Variants in SYNPO observed in about 807,000 individuals in gnomAD.
SYNPO encodes the protein synaptopodin.
Under a neutral mutation model 49.5 loss-of-function variants are expected in SYNPO, and 19 were observed. The ratio of observed to expected loss-of-function variants is 0.38; its 90% confidence interval spans 0.27 to 0.56. SYNPO has a LOEUF of 0.56. SYNPO is among the 20% of genes least tolerant of loss of function. The pLI, the probability that SYNPO is intolerant of heterozygous loss-of-function variation, is 0.68. For synonymous variants in SYNPO, 536 were observed against 548.0 expected, an observed-to-expected ratio of 0.98 and a Z score of 0.31; for missense variants, 1,131 against 1,248.3, an observed-to-expected ratio of 0.91 and a Z score of 1.42.
chr5:150,629,859 C>T, intron 2 of SYNPO, among the ~76,000 whole-genome samples: 1 of 152,124 alleles, frequency 6.6e-6, no homozygotes, highest in East Asian at 1.9e-4. Context: ...CAAGGTCGCA[C>T]ACCTGGTAAG....
chr5:150,657,903 C>T lies in SYNPO; in HGVS notation c.*816C>T, dbSNP rs1758633970. On this transcript the variant is annotated 3_prime_UTR_variant, in exon 3 of 3. Coordinates refer to ENST00000307662, the MANE Select transcript of SYNPO (RefSeq NM_007286.6). ...AGAGAATTATAAGGCAGTGATTTCC[C>T]TTAGGCCCAGGACTTGGGCCTCCAG... The T allele has an allele frequency of 6.6e-6, 1 of 152,366 alleles. No individual in the cohort carries two copies. Among genetic ancestry groups the T allele is most frequent in the Non-Finnish European group, 1.5e-5 (1 of 68,074 alleles). 9.4% of individuals were successfully genotyped at this position (152,366 alleles called of 1,614,324 possible).
At chr5:150,604,781 T>C (rs1232248231) in intron 1 of SYNPO, among the ~76,000 whole-genome samples, 1 of 152,116 alleles carries the variant, frequency 6.6e-6, no homozygotes, top group African/African-American at 2.4e-5. Flanking sequence ...CTGAACAAAT[T>C]GTAGCTCAAA....
At chr5:150,644,613 A>C (rs920157052) in intron 1 of SYNPO, among the ~76,000 whole-genome samples, 2 of 152,194 alleles carry the variant, frequency 1.3e-5, no homozygotes, top group Non-Finnish European at 2.9e-5. Context: ...CCCAACACTC[A>C]TGTCAAGTTA....
upstream of SYNPO, among the ~76,000 whole-genome samples, chr5:150,639,002 A>G (rs1581494916): frequency 6.6e-6 from 1 of 152,132 alleles, no homozygotes; most frequent in Non-Finnish European, 1.5e-5. Flanking sequence ...CTCCCTTTTC[A>G]GTTTGCTGTA....
rs1047336950 is a variant in SYNPO at position 150,624,841 on chromosome 5, C to T, written c.400+6074C>T. ...GGGACCTCGGGGCGGGGCGCGCTGA[C>T]GGACGCGGCCAGGTGTGCCGAGGCG... On this transcript the variant is annotated intron_variant, in intron 2 of 2. Transcript: ENST00000394243. The T allele has an allele frequency of 6.1e-6, 6 of 984,538 alleles. No homozygotes were observed. The Admixed American group carries it at 2.5e-4, about 41-fold the overall frequency. 61.0% of individuals were successfully genotyped at this position (984,538 alleles called of 1,614,324 possible).
intron 2 of SYNPO, among the ~76,000 whole-genome samples, chr5:150,632,884 G>A (rs1417226657): frequency 2.6e-5 from 4 of 152,172 alleles, no homozygotes; most frequent in Non-Finnish European, 5.9e-5. Context: ...CTCCTAGCGT[G>A]GCCTTCATCA....
In SYNPO at chr5:150,605,456, G is replaced by C. The variant is rs139882926; in HGVS notation, c.-266+4268G>C. 3.3e-3 allele frequency among the ~76,000 whole-genome samples: 509 copies of C among 152,066 alleles called. 2 individuals carry two copies. Among genetic ancestry groups the C allele is most frequent in the African/African-American group, 0.012 (477 of 41,460 alleles). ...AGGCTCAGATAGGGAAGGGGCCTCT[G>C]TGGGATCAATGTGGCAACAAGGCAG... On this transcript the variant is annotated intron_variant, in intron 1 of 2. Transcript: ENST00000394243.
At chr5:150,614,371 T>C (rs1756928572) in intron 1 of SYNPO, among the ~76,000 whole-genome samples, 1 of 152,166 alleles carries the variant, frequency 6.6e-6, no homozygotes, top group African/African-American at 2.4e-5. Context: ...TGGGGTGTCT[T>C]GGCCGGCCCT....
rs1242285570 is a variant in SYNPO, at chr5:150,656,801, G to A, written c.2426G>A (p.Arg809His). 5 of 1,214,080 alleles carry A rather than the reference G, an allele frequency of 4.1e-6. No homozygotes were observed. Among genetic ancestry groups the A allele is most frequent in the Non-Finnish European group, 5.2e-6 (5 of 965,612 alleles). The allele number at this position is 1,214,080 out of a possible 1,614,324, so 75.2% of individuals were successfully genotyped here. The change falls in exon 3 of 3, where the codon CGC becomes CAC. Residue 809 changes from arginine to histidine, a missense_variant. Transcript: ENST00000307662. Reference sequence around the variant, plus strand: ...CGCATGCGCTCGCCACAGCCCGCCCGCCCCGGCTCGGCTGCTGTGCCGGGG... The same window carrying A: ...CGCATGCGCTCGCCACAGCCCGCCCACCCCGGCTCGGCTGCTGTGCCGGGG... ...PPRMRSPQPARPGSAAVPGAA... is the reference protein window; with the variant it reads ...PPRMRSPQPAHPGSAAVPGAA...
chr5:150,646,151 G>C (rs1758082386), intron 1 of SYNPO, among the ~76,000 whole-genome samples: 1 of 148,952 alleles, frequency 6.7e-6, no homozygotes, highest in Non-Finnish European at 1.5e-5. Context: ...GCAACACAGG[G>C]AGACCCCTTC....
chr5:150,641,118 C>G (rs919356156), intron 1 of SYNPO, among the ~76,000 whole-genome samples: 1 of 152,332 alleles, frequency 6.6e-6, no homozygotes, highest in East Asian at 1.9e-4. Context: ...AGTCTGCCGA[C>G]CCCAGTCAGA....
chr5:150,592,931 G>T, the SYNPO span, among the ~76,000 whole-genome samples: 33 of 152,276 alleles, frequency 2.2e-4, 1 homozygote, highest in African/African-American at 7.7e-4. Context: ...CACCTACCAA[G>T]GTATGTCTTT....
chr5:150,609,788 G>GC (rs931763928), intron 1 of SYNPO, among the ~76,000 whole-genome samples: 83 of 151,412 alleles, frequency 5.5e-4, no homozygotes, highest in African/African-American at 2.0e-3. Flanking sequence ...GAATGTGGCG[G>GC]GGGGGGGCAG....
intron 2 of SYNPO, among the ~76,000 whole-genome samples, chr5:150,626,369 G>A (rs1481426245): frequency 6.6e-6 from 1 of 152,126 alleles, no homozygotes; most frequent in African/African-American, 2.4e-5. Flanking sequence ...CCCTTCTCTG[G>A]TCCTCAGTTT....
intron 1 of SYNPO, among the ~76,000 whole-genome samples, chr5:150,645,278 A>T (rs1192423373): frequency 6.6e-6 from 1 of 152,160 alleles, no homozygotes; most frequent in African/African-American, 2.4e-5. Context: ...GGCCAGTGCT[A>T]ATGAGGGCAA....
chr5:150,637,726 T>C (rs1056939921), upstream of SYNPO, among the ~76,000 whole-genome samples: 6 of 152,218 alleles, frequency 3.9e-5, no homozygotes, highest in East Asian at 1.2e-3. Flanking sequence ...GCGTTTTTTC[T>C]TTGAGTTATT....
At chr5:150,591,812 C>T in the SYNPO span, among the ~76,000 whole-genome samples, 4 of 152,230 alleles carry the variant, frequency 2.6e-5, no homozygotes, top group African/African-American at 7.2e-5. Context: ...GATTAACAAG[C>T]GTCAGAGCTA....
intron 2 of SYNPO, among the ~76,000 whole-genome samples, chr5:150,622,032 A>T (rs1757198561): frequency 6.6e-6 from 1 of 152,246 alleles, no homozygotes; most frequent in African/African-American, 2.4e-5. Context: ...AGAGATGGCA[A>T]GTGACTTGTC....
upstream of SYNPO, among the ~76,000 whole-genome samples, chr5:150,638,919 A>G (rs891474112): frequency 1.2e-4 from 19 of 152,216 alleles, no homozygotes; most frequent in African/African-American, 4.3e-4. Context: ...TCGTGAGCAC[A>G]GGCTTAGCTC....
Sources: gnomAD v4.1 joint callset for allele counts (sites outside exome capture counted in the v4.1 genomes callset) on GRCh38, gnomAD v4.1.1 for gene constraint, MANE v1.5 for transcripts, NCBI Gene and HGNC (gene_info 2026-07-23, HGNC 2026-07-21) for gene names.